The following XIRP2 variants were observed in gnomAD, a reference collection of about 807,000 sequenced individuals.
XIRP2 encodes xin actin binding repeat containing 2.
A neutral mutation model predicts 277.0 loss-of-function variants in XIRP2; 236 were observed. The ratio of observed to expected loss-of-function variants is 0.85; its 90% CI spans 0.77 to 0.95. The LOEUF is 0.95. Among genes scored for constraint, XIRP2 ranks in the 40% least tolerant of loss-of-function variants. XIRP2 has a pLI of 0.00. For synonymous variants in XIRP2, 1,490 were observed against 1,416.5 expected (o/e 1.05, Z -1.17); for missense variants, 4,640 against 4,157.5 (o/e 1.12, Z -3.19).
chr2:167,223,962 C>T (rs1694512398), intron 5 of XIRP2, among the ~76,000 whole-genome samples: 1 of 152,112 alleles, frequency 6.6e-6, no homozygotes, highest in Admixed American at 6.6e-5. Context: ...GACAGAATAC[C>T]AGAGACTGGT....
intron 4 of XIRP2, among the ~76,000 whole-genome samples, chr2:167,213,207 G>A (rs1694109235): frequency 6.6e-6 from 1 of 152,080 alleles, no homozygotes; most frequent in Non-Finnish European, 1.5e-5. Context: ...GTTGAGCAAT[G>A]AATTAAAATG....
At chr2:167,046,599 A>T (rs1357150229) in intron 2 of XIRP2, among the ~76,000 whole-genome samples, 1 of 152,028 alleles carries the variant, frequency 6.6e-6, no homozygotes, top group Non-Finnish European at 1.5e-5. Flanking sequence ...GCCATAAAAA[A>T]GGAATGAAAT....
At chr2:166,925,585 A>T (rs1047164595) in intron 2 of XIRP2, among the ~76,000 whole-genome samples, 1 of 107,168 alleles carries the variant, frequency 9.3e-6, no homozygotes, top group Non-Finnish European at 1.8e-5. Flanking sequence ...GTGTGTGTGT[A>T]TGTGTATATA....
At chr2:166,982,272 A>C (rs1314466764) in intron 2 of XIRP2, among the ~76,000 whole-genome samples, 2 of 150,360 alleles carry the variant, frequency 1.3e-5, no homozygotes, top group African/African-American at 4.9e-5. Flanking sequence ...TCAGGTTTTT[A>C]ATTTATCTTT....
rs185581061 is a variant in XIRP2 at position 167,200,856 on chromosome 2, T to C, written c.563-9879T>C. The stretch of plus-strand genomic sequence containing the variant: ...TGTACCATATACCTGCCGGGTGTGG[T>C]GGCTCACGCCTGCAACCCCAGCACA... On this transcript the variant is annotated intron_variant, in intron 3 of 10. Coordinates refer to ENST00000409195, the MANE Select transcript of XIRP2 (RefSeq NM_152381.6). Among the ~76,000 whole-genome samples the C allele has an allele frequency of 3.6e-3, 541 of 152,164 alleles. 1 individual carries two copies. The highest frequency in any genetic ancestry group is 0.012 in the African/African-American group (507 of 41,530).
At chr2:167,121,401 A>G (rs1468738685) in intron 2 of XIRP2, among the ~76,000 whole-genome samples, 1 of 152,178 alleles carries the variant, frequency 6.6e-6, no homozygotes, top group African/African-American at 2.4e-5. Flanking sequence ...AAAGAAAATG[A>G]AATAAAAAAT....
chr2:167,162,933 G>A (rs114157763), intron 3 of XIRP2, among the ~76,000 whole-genome samples: 2,706 of 152,130 alleles, frequency 0.018, 80 homozygotes, highest in African/African-American at 0.062. Flanking sequence ...GTACTCTTTT[G>A]CTTTCTTCTC....
intron 3 of XIRP2, 98 bp from the exon 4 acceptor site, chr2:167,210,637 G>A (rs902080510): frequency 3.6e-5 from 52 of 1,444,202 alleles, no homozygotes; most frequent in Middle Eastern, 1.8e-4. Context: ...TCCATTTTAC[G>A]AGATCAAGTA....
In XIRP2 at chr2:166,905,846, G is replaced by T. The variant is rs186811475; in HGVS notation, c.408+1956G>T. ...GTGAAGTATTTTGTTATATTATTAGGCATGTAAAAAGAATTCTAGTTCAAC... is the reference window on the plus strand; with the variant it reads ...GTGAAGTATTTTGTTATATTATTAGTCATGTAAAAAGAATTCTAGTTCAAC... On this transcript the variant is annotated intron_variant, in intron 2 of 10. Transcript: ENST00000409195. 1.4e-3 allele frequency among the ~76,000 whole-genome samples: 210 copies of T among 151,886 alleles called. 1 individual carries two copies. Among genetic ancestry groups the T allele is most frequent in the Middle Eastern group, 0.01 (3 of 292 alleles).
chr2:167,259,582 T>C lies in XIRP2; in HGVS notation c.*1765T>C, dbSNP rs1163980514. 4 of 457,386 alleles carry C rather than the reference T, an allele frequency of 8.7e-6. No individual in the cohort carries two copies. In the South Asian group the frequency reaches 2.2e-4, roughly 25 times the overall value. The allele number at this position is 457,386 out of a possible 1,614,324, so 28.3% of individuals were successfully genotyped here. A position where few individuals can be genotyped will look rare whatever the true frequency, so the allele number is the denominator to read the frequency against. On this transcript the variant is annotated 3_prime_UTR_variant, in exon 11 of 11. Coordinates refer to ENST00000409195, the MANE Select transcript of XIRP2 (RefSeq NM_152381.6). ...TTTTGTTTGAACTGGAATGAAGAGA[T>C]GAAACACTATGGATATGTTTTCCAT...
Position 167,241,898 on chromosome 2 carries a change from C to G in XIRP2, c.1164C>G (p.Ala388=). Residue 388 remains alanine, a synonymous_variant, in exon 8 of 11, where the codon GCC becomes GCG. Coordinates refer to ENST00000409195, the MANE Select transcript of XIRP2 (RefSeq NM_152381.6). ...CTGACAAAGAGATGACAACCCCAGC[C>G]AAGCAGATTAAGGTAAAGTCATTTC... ...LYSDKEMTTP[A]KQIKTESEYE... is the part of the protein sequence containing the mutation. 6.2e-7 allele frequency: 1 copy of G among 1,612,514 alleles called. No homozygotes were observed. Among genetic ancestry groups the G allele is most frequent in the Non-Finnish European group, 8.5e-7 (1 of 1,179,354 alleles).
intron 2 of XIRP2, among the ~76,000 whole-genome samples, chr2:167,080,631 T>C (rs1325663401): frequency 2.6e-5 from 4 of 152,160 alleles, no homozygotes; most frequent in Admixed American, 6.5e-5. Context: ...ATTTGAAAGG[T>C]TGAAAAACAA....
At chr2:167,195,601 A>T (rs1378493476) in intron 3 of XIRP2, among the ~76,000 whole-genome samples, 1 of 152,190 alleles carries the variant, frequency 6.6e-6, no homozygotes, top group Non-Finnish European at 1.5e-5. Flanking sequence ...GAGGCACTGG[A>T]AGATGGGTCT....
intron 2 of XIRP2, among the ~76,000 whole-genome samples, chr2:166,923,333 C>A (rs888431761): frequency 2.0e-5 from 3 of 152,084 alleles, no homozygotes; most frequent in Non-Finnish European, 4.4e-5. Context: ...TAGAATATAT[C>A]TAATGAAATA....
At chr2:167,189,893 C>T (rs1240859187) in intron 3 of XIRP2, among the ~76,000 whole-genome samples, 2 of 152,188 alleles carry the variant, frequency 1.3e-5, no homozygotes, top group Non-Finnish European at 2.9e-5. Flanking sequence ...AAGACAGCCA[C>T]TAATGGAGTG....
chr2:167,186,805 G>GTT (rs77891647), intron 3 of XIRP2, among the ~76,000 whole-genome samples: 19 of 131,930 alleles, frequency 1.4e-4, no homozygotes, highest in Non-Finnish European at 2.5e-4. Context: ...ATTCTTCCTT[G>GTT]TTTTTTTTTT....
intron 2 of XIRP2, among the ~76,000 whole-genome samples, chr2:166,913,648 A>G (rs1684780585): frequency 6.6e-6 from 1 of 152,222 alleles, no homozygotes; most frequent in African/African-American, 2.4e-5. Flanking sequence ...GTGGCCACAA[A>G]GCAAGCCAGA....
chr2:167,235,440 T>TA (rs1168476338), intron 5 of XIRP2, among the ~76,000 whole-genome samples: 22 of 151,802 alleles, frequency 1.4e-4, no homozygotes, highest in Admixed American at 1.2e-3. Flanking sequence ...TTCACACTAC[T>TA]AAAAAAAAGT....
chr2:167,014,207 A>T (rs903222137), intron 2 of XIRP2, among the ~76,000 whole-genome samples: 2 of 151,602 alleles, frequency 1.3e-5, no homozygotes, highest in Admixed American at 1.3e-4. Context: ...CACATTAGGA[A>T]AAACAAATTA....
Sources: gnomAD v4.1 joint callset for allele counts (sites outside exome capture counted in the v4.1 genomes callset) on GRCh38, gnomAD v4.1.1 for gene constraint, MANE v1.5 for transcripts, NCBI Gene and HGNC (gene_info 2026-07-23, HGNC 2026-07-21) for gene names.